The following ECM2 variants were observed in gnomAD, a reference collection of about 807,000 sequenced individuals.
The protein encoded by ECM2 is extracellular matrix protein 2.
ECM2 carries 57 observed loss-of-function variants against 67.5 expected under a neutral mutation model. The observed-to-expected ratio is 0.84, with a 90% CI of 0.68 to 1.05. The LOEUF (loss-of-function observed/expected upper bound fraction) is 1.05. Ranked by LOEUF, ECM2 falls within the 50% of genes least tolerant of loss-of-function variation. ECM2 has a pLI of 0.00. For synonymous variants in ECM2, 258 were observed against 294.5 expected (o/e 0.88, Z 1.27); for missense variants, 741 against 822.8 (o/e 0.90, Z 1.22).
intron 3 of ECM2, chr9:92,517,252 G>A (rs372014573): frequency 4.9e-6 from 1 of 205,342 alleles, no homozygotes; most frequent in African/African-American, 2.4e-5. Context: ...GAGGGTTGGG[G>A]CTTTGTTCTC....
intron 7 of ECM2, 101 bp downstream of exon 7, chr9:92,505,430 CTA>C: frequency 3.8e-6 from 4 of 1,044,176 alleles, no homozygotes; most frequent in African/African-American, 1.7e-5. Flanking sequence ...CAGCATGAAA[CTA>C]GAGTTTAATT....
rs1563990177 is a variant in ECM2 at position 92,532,016 on chromosome 9, T to TTTTTTTTTTTG, written c.-28+3916_-28+3917insCAAAAAAAAAA. On this transcript the variant is annotated intron_variant, in intron 1 of 9. Transcript: ENST00000344604. ...TTTCTTTTTCTTTTTTTATTTAATG[T>TTTTTTTTTTTG]TTTTTTTTTTTTATTTTATTTTTTT... 4.5e-4 allele frequency among the ~76,000 whole-genome samples: 48 copies of TTTTTTTTTTTG among 105,728 alleles called. 5 individuals are homozygous for TTTTTTTTTTTG. The highest frequency in any genetic ancestry group is 2.5e-3 in the African/African-American group (44 of 17,914). 69.4% of individuals were successfully genotyped at this position (105,728 alleles called of 152,430 possible). A position where few individuals can be genotyped will look rare whatever the true frequency, so the allele number is the denominator to read the frequency against.
chr9:92,536,128 A>T (rs1343161782), upstream of ECM2: 4 of 408,498 alleles, frequency 9.8e-6, no homozygotes, highest in African/African-American at 8.7e-5. Context: ...TTGTGCAGAA[A>T]ATCAGCCAAG....
At chr9:92,503,518 AC>A (rs1399652442) in intron 7 of ECM2, among the ~76,000 whole-genome samples, 1 of 152,240 alleles carries the variant, frequency 6.6e-6, no homozygotes, top group Non-Finnish European at 1.5e-5. Context: ...TTAATTTACA[AC>A]CAAGGAGAAG....
At chr9:92,513,308 A>G (rs1193054899) in intron 4 of ECM2, among the ~76,000 whole-genome samples, 1 of 152,216 alleles carries the variant, frequency 6.6e-6, no homozygotes, top group African/African-American at 2.4e-5. Context: ...AACTGACAGT[A>G]CCAAGTGCGG....
chr9:92,493,855 G>C (rs2131126873), downstream of ECM2: 1 of 316,984 alleles, frequency 3.2e-6, no homozygotes, highest in Middle Eastern at 8.6e-4. Flanking sequence ...TTTTTTTCTT[G>C]GGATTCTGCA....
chr9:92,545,346 T>A, the ECM2 span, among the ~76,000 whole-genome samples: 5 of 152,226 alleles, frequency 3.3e-5, no homozygotes, highest in South Asian at 8.3e-4. Flanking sequence ...GGCGTGGGCT[T>A]GGCGGGCCCC....
intron 3 of ECM2, chr9:92,517,397 G>A (rs558936383): frequency 2.3e-4 from 127 of 563,868 alleles, no homozygotes; most frequent in South Asian, 1.0e-3. Context: ...AGGATCTGTT[G>A]TAGAAATTCT....
intron 2 of ECM2, among the ~76,000 whole-genome samples, chr9:92,521,960 G>T (rs183557389): frequency 6.6e-6 from 1 of 152,330 alleles, no homozygotes; most frequent in African/African-American, 2.4e-5. Flanking sequence ...ATACTGGAAA[G>T]AAACCAAAAT....
chr9:92,502,320 G>A (rs1175896376), intron 8 of ECM2, among the ~76,000 whole-genome samples, 193 bp downstream of exon 8: 3 of 152,176 alleles, frequency 2.0e-5, no homozygotes, highest in Non-Finnish European at 2.9e-5. Context: ...GTCATGCAGC[G>A]CACAGGTTGG....
chr9:92,546,697 G>T, the ECM2 span, among the ~76,000 whole-genome samples: 411 of 152,260 alleles, frequency 2.7e-3, no homozygotes, highest in Non-Finnish European at 4.6e-3. Context: ...CTTCATTCTT[G>T]AAGTCAGTGA....
In ECM2 at chr9:92,522,620, AG is replaced by A. The variant is rs1336553042; in HGVS notation, c.246del (p.Ser84GlnfsTer6). On this transcript the variant is annotated frameshift_variant, in exon 2 of 10. Coordinates refer to ENST00000344604, the MANE Select transcript of ECM2 (RefSeq NM_001393.4). LOFTEE classifies it high-confidence loss of function. ...FDYSMEEKFE[S>X]FSSFPGVESS... ...GATTCTACTCCAGGAAAACTTGAAAAGGATTCAAACTTTTCCTCCATGCTAT... is the reference window on the plus strand; with the variant it reads ...GATTCTACTCCAGGAAAACTTGAAAAGATTCAAACTTTTCCTCCATGCTAT... 6.2e-7 allele frequency: 1 copy of A among 1,613,710 alleles called. No individual in the cohort carries two copies. The highest frequency in any genetic ancestry group is 8.5e-7 in the Non-Finnish European group (1 of 1,179,820).
At chr9:92,554,359 A>G in the ECM2 span, among the ~76,000 whole-genome samples, 1 of 151,732 alleles carries the variant, frequency 6.6e-6, no homozygotes, top group African/African-American at 2.4e-5. Context: ...AATTTTTTGT[A>G]TTTGGTAAAG....
upstream of ECM2, among the ~76,000 whole-genome samples, chr9:92,538,415 G>A (rs1849239955): frequency 2.6e-5 from 4 of 152,268 alleles, no homozygotes; most frequent in East Asian, 7.7e-4. Flanking sequence ...TAATTACAGC[G>A]AGACTTTTAC....
At chr9:92,531,917 T>C (rs989652847) in intron 1 of ECM2, among the ~76,000 whole-genome samples, 4 of 151,836 alleles carry the variant, frequency 2.6e-5, no homozygotes, top group African/African-American at 9.7e-5. Flanking sequence ...GAAGATACGG[T>C]TGATTTTTTC....
chr9:92,536,019 C>T (rs1221294696), upstream of ECM2: 1 of 509,710 alleles, frequency 2.0e-6, no homozygotes, highest in South Asian at 1.4e-5. Flanking sequence ...TCTTTAAAAA[C>T]AAAGAAAGGA....
the ECM2 span, among the ~76,000 whole-genome samples, chr9:92,547,791 C>T: frequency 2.6e-5 from 4 of 152,108 alleles, no homozygotes; most frequent in African/African-American, 9.7e-5. Flanking sequence ...TTAAAGTATG[C>T]GTTTTATGGT....
rs995592485 is a variant in ECM2 at position 92,511,997 on chromosome 9, G to A, written c.1170+14C>T. 1.9e-6 allele frequency: 3 copies of A among 1,579,966 alleles called. No individual in the cohort carries two copies. Among genetic ancestry groups the A allele is most frequent in the Admixed American group, 1.7e-5 (1 of 58,674 alleles). On this transcript the variant is annotated intron_variant, in intron 5 of 9. Transcript: ENST00000344604. ...GCCATTCATCCAAATAGACAAATCA[G>A]AGCATGTATTTACCTTGAATGCTTT...
chr9:92,535,563 A>G (rs116847205), intron 1 of ECM2, among the ~76,000 whole-genome samples: 5,786 of 152,246 alleles, frequency 0.038, 150 homozygotes, highest in Middle Eastern at 0.076. Context: ...AAAATTCTAC[A>G]TGAAGTCATG....
Sources: allele counts gnomAD v4.1 joint callset (sites outside exome capture counted in the v4.1 genomes callset), GRCh38; gene constraint gnomAD v4.1.1; transcripts MANE v1.5; gene names NCBI Gene and HGNC (gene_info 2026-07-23, HGNC 2026-07-21).